Variants in UGT1A3 observed in about 807,000 individuals in gnomAD.
UGT1A3 encodes the protein UDP-glucuronosyltransferase 1A3.
UGT1A3 carries 31 observed loss-of-function variants against 41.0 expected under a neutral mutation model. That is an observed-to-expected ratio of 0.76 (90% CI 0.57 to 1.02). UGT1A3 has a LOEUF of 1.02. Among genes scored for constraint, UGT1A3 ranks in the 50% least tolerant of loss-of-function variants. The probability of loss-of-function intolerance (pLI) is 0.00; values close to 1 mark genes in which losing one functional copy is unlikely to be tolerated. For missense variants in UGT1A3, 737 were observed against 671.0 expected, an observed-to-expected ratio of 1.10 and a Z score of -1.09; for synonymous variants, 262 against 257.6, an observed-to-expected ratio of 1.02 and a Z score of -0.17.
intron 1 of UGT1A3, chr2:233,747,278 C>A (rs925407656): frequency 4.4e-6 from 7 of 1,599,166 alleles, no homozygotes; most frequent in Middle Eastern, 3.5e-4. Context: ...CTTCTCAGTG[C>A]CCAGCCCTGG....
chr2:233,744,946 A>G (rs563141954), intron 1 of UGT1A3, among the ~76,000 whole-genome samples: 4 of 152,034 alleles, frequency 2.6e-5, no homozygotes, highest in African/African-American at 7.3e-5. Context: ...CAGTATTTGT[A>G]TATAACCTAC....
chr2:233,760,174 G>A (rs1178243322), intron 1 of UGT1A3: 18 of 1,539,292 alleles, frequency 1.2e-5, no homozygotes, highest in Non-Finnish European at 1.5e-5. Flanking sequence ...TGGACTGACA[G>A]CTTTTTATAG....
intron 1 of UGT1A3, among the ~76,000 whole-genome samples, chr2:233,757,535 A>AATATATATACATATAC (rs376887521): frequency 1.6e-3 from 143 of 88,240 alleles, no homozygotes; most frequent in Middle Eastern, 5.7e-3. Flanking sequence ...GCCTGTAAGG[A>AATATATATACATATAC]ATATATATAT....
intron 2 of UGT1A3, among the ~76,000 whole-genome samples, chr2:233,767,607 T>A (rs990795456): frequency 1.3e-5 from 2 of 152,144 alleles, no homozygotes; most frequent in African/African-American, 4.8e-5. Flanking sequence ...AGTGAAAAAA[T>A]CCTAAGTGCA....
At chr2:233,754,678 C>A (rs1419838969) in intron 1 of UGT1A3, 1 of 475,568 alleles carries the variant, frequency 2.1e-6, no homozygotes, top group Non-Finnish European at 4.1e-6. Context: ...TTTTTACCAT[C>A]AACTATTTCA....
At chr2:233,764,754 C>T (rs955406982) in intron 1 of UGT1A3, among the ~76,000 whole-genome samples, 3 of 152,116 alleles carry the variant, frequency 2.0e-5, no homozygotes, top group African/African-American at 7.2e-5. Context: ...GTGGTGCAGA[C>T]CCTAGGGAGG....
At position 233,772,461 on chromosome 2, in the gene UGT1A3, G is replaced by A. The variant is rs764439291; in HGVS notation, c.1507G>A (p.Val503Met). The change falls in exon 5 of 5, where the codon GTG becomes ATG. Residue 503 changes from valine (V) to methionine (M), a missense_variant. Coordinates refer to ENST00000482026, the MANE Select transcript of UGT1A3 (RefSeq NM_019093.4). ...IGFLLAVVLT[V>M]AFITFKCCAY... is the part of the protein sequence containing the mutation. ...TTTCCTCTTGGCCGTCGTGCTGACAGTGGCCTTCATCACCTTTAAATGTTG... is the reference window on the plus strand; with the variant it reads ...TTTCCTCTTGGCCGTCGTGCTGACAATGGCCTTCATCACCTTTAAATGTTG... 6.2e-7 allele frequency: 1 copy of A among 1,614,184 alleles called. No homozygotes were observed. Among genetic ancestry groups the A allele is most frequent in the Non-Finnish European group, 8.5e-7 (1 of 1,180,040 alleles).
In UGT1A3 at chr2:233,729,775, C is replaced by A. The variant is rs775577941; in HGVS notation, c.649C>A (p.Pro217Thr). 2 of 1,613,944 alleles carry A rather than the reference C, an allele frequency of 1.2e-6. No individual in the cohort carries two copies. Among genetic ancestry groups the A allele is most frequent in the South Asian group, 2.2e-5 (2 of 91,070 alleles). Residue 217 changes from proline to threonine, a missense_variant, in exon 1 of 5, where the codon CCT becomes ACT. By Grantham distance (38) the Pro-to-Thr change is conservative. Coordinates refer to ENST00000482026, the MANE Select transcript of UGT1A3 (RefSeq NM_019093.4). ...FMQRVKNMLY[P>T]LALSYICHAF... The stretch of plus-strand genomic sequence containing the variant: ...GCAAAGGGTCAAGAACATGCTCTAC[C>A]CTCTGGCCCTGTCCTACATTTGCCA...
chr2:233,741,106 A>T (rs1691567607), intron 1 of UGT1A3, among the ~76,000 whole-genome samples: 2 of 151,792 alleles, frequency 1.3e-5, no homozygotes. Context: ...CAGACAATCA[A>T]GCTTTACACT....
intron 1 of UGT1A3, among the ~76,000 whole-genome samples, chr2:233,748,437 T>C (rs1194940254): frequency 2.6e-5 from 4 of 151,838 alleles, no homozygotes; most frequent in African/African-American, 9.7e-5. Flanking sequence ...GATTTTTTGT[T>C]TGCACAATTT....
intron 1 of UGT1A3, among the ~76,000 whole-genome samples, chr2:233,733,397 G>C (rs1438211185): frequency 1.3e-5 from 2 of 152,194 alleles, no homozygotes; most frequent in Non-Finnish European, 2.9e-5. Flanking sequence ...AGTTTTCAAA[G>C]GGAATGCTTC....
At chr2:233,743,761 G>A (rs767554453) in intron 1 of UGT1A3, 25 of 1,367,324 alleles carry the variant, frequency 1.8e-5, no homozygotes, top group Admixed American at 5.7e-5. Flanking sequence ...ACACCTCGTA[G>A]GCCTCGGCCA....
intron 1 of UGT1A3, among the ~76,000 whole-genome samples, chr2:233,759,071 G>A (rs574786378): frequency 6.6e-6 from 1 of 152,312 alleles, no homozygotes; most frequent in South Asian, 2.1e-4. Context: ...AAGGAATTTG[G>A]AAGAAAGAGA....
chr2:233,729,936 G>T lies in UGT1A3; in HGVS notation c.810G>T (p.Met270Ile), dbSNP rs1335744695. Residue 270 changes from methionine to isoleucine, a missense_variant, in exon 1 of 5, where the codon ATG becomes ATT. By Grantham distance (10) the Met-to-Ile change is conservative (BLOSUM62 1). Transcript: ENST00000482026. Reference protein sequence around the residue: ...DFVMDYPRPIMPNMVFIGGIN... With the variant: ...DFVMDYPRPIIPNMVFIGGIN... ...TGATGGACTACCCCAGGCCAATCAT[G>T]CCCAACATGGTCTTCATTGGGGGCA... 5 of 1,613,890 alleles carry T rather than the reference G, an allele frequency of 3.1e-6. No individual in the cohort carries two copies. In the African/African-American group the frequency reaches 6.7e-5, roughly 22 times the overall value.
Position 233,729,965 on chromosome 2 carries a change from A to T in UGT1A3, c.839A>T (p.Asn280Ile), listed in dbSNP as rs149856651. 3 of 1,613,950 alleles carry T rather than the reference A, an allele frequency of 1.9e-6. No homozygotes were observed. The highest frequency in any genetic ancestry group is 2.5e-6 in the Non-Finnish European group (3 of 1,179,932). ...AACATGGTCTTCATTGGGGGCATCA[A>T]CTGTGCCAACAGGAAGCCACTATCT... ...MPNMVFIGGI[N>I]CANRKPLSQE... Residue 280 changes from asparagine to isoleucine, a missense_variant, in exon 1 of 5, where the codon AAC (asparagine) becomes ATC (isoleucine). Transcript: ENST00000482026.
chr2:233,730,694 C>T (rs1315714978), intron 1 of UGT1A3, among the ~76,000 whole-genome samples: 1 of 152,058 alleles, frequency 6.6e-6, no homozygotes, highest in Non-Finnish European at 1.5e-5. Context: ...TCAAATGATT[C>T]TTCTACTTGG....
chr2:233,767,712 C>G (rs1699458163), intron 2 of UGT1A3, 137 bp from the exon 3 acceptor site: 1 of 1,533,444 alleles, frequency 6.5e-7, no homozygotes, highest in African/African-American at 1.4e-5. Flanking sequence ...CCTCAGAAGC[C>G]TTCACAGTTA....
chr2:233,771,951 C>T (rs1331596370), intron 4 of UGT1A3, among the ~76,000 whole-genome samples: 1 of 152,070 alleles, frequency 6.6e-6, no homozygotes, highest in African/African-American at 2.4e-5. Context: ...CTTGTTTCTA[C>T]AAAAAATTTA....
intron 1 of UGT1A3, chr2:233,755,910 A>C (rs1252525299): frequency 2.6e-5 from 4 of 151,394 alleles, no homozygotes; most frequent in African/African-American, 7.3e-5. Flanking sequence ...AAATGTAGTG[A>C]GAAGAGTGGC....
Sources: allele counts gnomAD v4.1 joint callset (sites outside exome capture counted in the v4.1 genomes callset), GRCh38; gene constraint gnomAD v4.1.1; transcripts MANE v1.5; gene names NCBI Gene and HGNC (gene_info 2026-07-23, HGNC 2026-07-21).